Variants in SLC9A9 observed in about 807,000 individuals in gnomAD.
SLC9A9 encodes sodium/hydrogen exchanger 9.
SLC9A9 carries 62 observed loss-of-function variants against 77.8 expected under a neutral mutation model. That is an observed-to-expected ratio of 0.80 (90% CI 0.65 to 0.98). The LOEUF (loss-of-function observed/expected upper bound fraction) is 0.98, where lower values mean the gene tolerates loss of function less well. SLC9A9 is among the 50% of genes least tolerant of loss of function. SLC9A9 has a pLI of 0.00. For missense variants in SLC9A9, 775 were observed against 774.9 expected (o/e 1.00, Z 0.00); for synonymous variants, 320 against 283.5 (o/e 1.13, Z -1.29).
chr3:143,538,566 C>T (rs1391678397), intron 9 of SLC9A9, among the ~76,000 whole-genome samples: 10 of 152,162 alleles, frequency 6.6e-5, no homozygotes, highest in Admixed American at 6.5e-4. Flanking sequence ...CACAGAACTT[C>T]ACATTAACCA....
intron 12 of SLC9A9, among the ~76,000 whole-genome samples, chr3:143,458,000 A>G (rs1237621254): frequency 6.6e-6 from 1 of 152,150 alleles, no homozygotes; most frequent in Non-Finnish European, 1.5e-5. Flanking sequence ...TTTTCTATCT[A>G]CTTGTTATAT....
chr3:143,682,515 T>C (rs1933134096), intron 5 of SLC9A9, among the ~76,000 whole-genome samples: 1 of 152,134 alleles, frequency 6.6e-6, no homozygotes, highest in Non-Finnish European at 1.5e-5. Context: ...CTAAACTATA[T>C]ATTTTATAAT....
chr3:143,450,732 G>A (rs1458478738), intron 12 of SLC9A9, among the ~76,000 whole-genome samples: 1 of 152,150 alleles, frequency 6.6e-6, no homozygotes, highest in Non-Finnish European at 1.5e-5. Context: ...AATTAAAAAA[G>A]GGTAGGCTTC....
intron 12 of SLC9A9, among the ~76,000 whole-genome samples, chr3:143,394,458 T>C (rs940136055): frequency 1.3e-5 from 2 of 152,140 alleles, no homozygotes; most frequent in African/African-American, 4.8e-5. Flanking sequence ...TATCTCAAAA[T>C]AATAAGAGCT....
At chr3:143,810,122 C>G (rs2008825375) in intron 2 of SLC9A9, among the ~76,000 whole-genome samples, 1 of 152,116 alleles carries the variant, frequency 6.6e-6, no homozygotes, top group South Asian at 2.1e-4. Flanking sequence ...CACGAGGATG[C>G]AGCAAATTTT....
intron 4 of SLC9A9, among the ~76,000 whole-genome samples, chr3:143,779,212 A>T (rs112237102): frequency 1.3e-5 from 2 of 152,240 alleles, no homozygotes; most frequent in African/African-American, 4.8e-5. Flanking sequence ...TTAATAGGAC[A>T]GTCAGTTTCA....
At chr3:143,617,697 C>A (rs2038129947) in intron 6 of SLC9A9, among the ~76,000 whole-genome samples, 1 of 152,200 alleles carries the variant, frequency 6.6e-6, no homozygotes, top group Non-Finnish European at 1.5e-5. Context: ...GGGGAATGGG[C>A]TCTCCATTTT....
At chr3:143,329,101 T>C (rs116620726) in intron 14 of SLC9A9, among the ~76,000 whole-genome samples, 1 of 152,352 alleles carries the variant, frequency 6.6e-6, no homozygotes, top group African/African-American at 2.4e-5. Flanking sequence ...CAGGGAGATG[T>C]TTCCCAGCCT....
chr3:143,643,446 CA>C (rs1669420027), intron 6 of SLC9A9, among the ~76,000 whole-genome samples: 1 of 152,302 alleles, frequency 6.6e-6, no homozygotes, highest in Middle Eastern at 3.4e-3. Flanking sequence ...GTTGTATTAC[CA>C]TGAGTGAACC....
intron 14 of SLC9A9, among the ~76,000 whole-genome samples, chr3:143,277,725 C>G (rs1938093922): frequency 6.6e-6 from 1 of 152,156 alleles, no homozygotes; most frequent in African/African-American, 2.4e-5. Flanking sequence ...TAGTGGCTTT[C>G]TGGTTAGAGG....
In SLC9A9 at chr3:143,634,765, T is replaced by C. The variant is rs547527993; in HGVS notation, c.755+17490A>G. ...TCTGAAATACTTTGATGTATTTGTT[T>C]GGGGATTGTGGGCTCTTCTTTGGCT... On this transcript the variant is annotated intron_variant, in intron 6 of 15. Coordinates refer to ENST00000316549, the MANE Select transcript of SLC9A9 (RefSeq NM_173653.4). Among the ~76,000 whole-genome samples, 4 of 152,300 alleles carry C rather than the reference T, an allele frequency of 2.6e-5. No homozygotes were observed. In the South Asian group the frequency reaches 6.2e-4, roughly 24 times the overall value.
chr3:143,378,442 A>C (rs1293501473), intron 13 of SLC9A9, among the ~76,000 whole-genome samples: 1 of 152,228 alleles, frequency 6.6e-6, no homozygotes, highest in Non-Finnish European at 1.5e-5. Flanking sequence ...ACTCAGGGTT[A>C]TCTTGGAAAT....
intron 4 of SLC9A9, among the ~76,000 whole-genome samples, chr3:143,770,532 C>A (rs181271231): frequency 1.6e-4 from 25 of 152,038 alleles, no homozygotes; most frequent in South Asian, 1.0e-3. Context: ...AAGGTTAGAG[C>A]CTTACATCAC....
intron 11 of SLC9A9, among the ~76,000 whole-genome samples, chr3:143,485,906 C>A (rs549482784): frequency 1.3e-5 from 2 of 151,734 alleles, no homozygotes; most frequent in East Asian, 1.9e-4. Context: ...AAAGGAAATA[C>A]CAATAAAGAG....
chr3:143,616,662 A>C (rs2038112553), intron 6 of SLC9A9, among the ~76,000 whole-genome samples: 1 of 152,142 alleles, frequency 6.6e-6, no homozygotes, highest in African/African-American at 2.4e-5. Context: ...GACAGAGTTG[A>C]TTCAGCCAAG....
rs71307946 is a variant in SLC9A9, at chr3:143,562,419, G to A, written c.1001-9969C>T. Among the ~76,000 whole-genome samples, 328 of 152,094 alleles carry A rather than the reference G, an allele frequency of 2.2e-3. 3 individuals carry two copies. In the Middle Eastern group the frequency reaches 0.041, roughly 19 times the overall value. Reference sequence around the variant, plus strand: ...CAAAGGGAGAGAGGCAGGTGATTGCGGGGCATATCTGAGAAACATGCACTT... The same window carrying A: ...CAAAGGGAGAGAGGCAGGTGATTGCAGGGCATATCTGAGAAACATGCACTT... On this transcript the variant is annotated intron_variant, in intron 8 of 15. Coordinates refer to ENST00000316549, the MANE Select transcript of SLC9A9 (RefSeq NM_173653.4).
At chr3:143,636,273 A>G (rs2038518880) in intron 6 of SLC9A9, among the ~76,000 whole-genome samples, 1 of 152,184 alleles carries the variant, frequency 6.6e-6, no homozygotes, top group Non-Finnish European at 1.5e-5. Flanking sequence ...ATTATGAATA[A>G]AACTGTTTTC....
At chr3:143,302,155 T>A (rs1250192009) in intron 14 of SLC9A9, among the ~76,000 whole-genome samples, 4 of 152,182 alleles carry the variant, frequency 2.6e-5, no homozygotes, top group Admixed American at 2.6e-4. Flanking sequence ...CTCTGGATTG[T>A]GATGCAGAGG....
intron 2 of SLC9A9, among the ~76,000 whole-genome samples, chr3:143,825,604 G>C (rs564496502): frequency 6.6e-6 from 1 of 152,148 alleles, no homozygotes; most frequent in Non-Finnish European, 1.5e-5. Flanking sequence ...TTGCAGCTTG[G>C]CAATTCTCTT....
Sources: allele counts gnomAD v4.1 joint callset (sites outside exome capture counted in the v4.1 genomes callset), GRCh38; gene constraint gnomAD v4.1.1; transcripts MANE v1.5; gene names NCBI Gene and HGNC (gene_info 2026-07-23, HGNC 2026-07-21).